Variants in CTBP2 observed in about 807,000 individuals in gnomAD.
CTBP2 encodes the protein C-terminal binding protein 2, also known as C-terminal-binding protein 2.
CTBP2 carries 30 observed loss-of-function variants against 80.3 expected under a neutral mutation model. The ratio of observed to expected loss-of-function variants is 0.37; its 90% CI spans 0.28 to 0.51. The LOEUF is 0.51. Among genes scored for constraint, CTBP2 ranks in the 20% least tolerant of loss-of-function variants. CTBP2 has a pLI of 0.93. For missense variants in CTBP2, 1,212 were observed against 1,375.3 expected (o/e 0.88, Z 1.88); for synonymous variants, 594 against 587.4 (o/e 1.01, Z -0.16).
At chr10:125,052,701 TTGTG>T (rs1160845143) in intron 2 of CTBP2, among the ~76,000 whole-genome samples, 1 of 152,126 alleles carries the variant, frequency 6.6e-6, no homozygotes, top group Non-Finnish European at 1.5e-5. Context: ...AGTCCGGGCT[TTGTG>T]TATCATAGTG....
intron 2 of CTBP2, among the ~76,000 whole-genome samples, chr10:125,095,963 C>T (rs779716418): frequency 2.6e-5 from 4 of 152,124 alleles, no homozygotes; most frequent in Non-Finnish European, 5.9e-5. Flanking sequence ...TTCACCCCCT[C>T]GGCCCTAACG....
chr10:125,050,248 C>G (rs1008203242), intron 2 of CTBP2, among the ~76,000 whole-genome samples: 15 of 152,178 alleles, frequency 9.9e-5, no homozygotes, highest in Non-Finnish European at 2.1e-4. Flanking sequence ...CTGTCTCCTG[C>G]GACAGGTCGT....
intron 2 of CTBP2, among the ~76,000 whole-genome samples, chr10:125,040,599 T>TACACACACACACACACACACACACAC (rs59512017): frequency 6.8e-4 from 99 of 146,074 alleles, no homozygotes; most frequent in African/African-American, 2.4e-3. Context: ...CACAACCACA[T>TACACACACACACACACACACACACAC]ACACACACAC....
chr10:125,102,477 AG>A (rs1850782367), intron 2 of CTBP2, among the ~76,000 whole-genome samples: 1 of 152,242 alleles, frequency 6.6e-6, no homozygotes, highest in South Asian at 2.1e-4. Context: ...TCCGGCCTTC[AG>A]CAGGCCTCTG....
intron 2 of CTBP2, among the ~76,000 whole-genome samples, chr10:125,104,174 C>T (rs115400562): frequency 0.012 from 1,824 of 152,258 alleles, 31 homozygotes; most frequent in African/African-American, 0.041. Flanking sequence ...TGGATGCTCA[C>T]GGGGACATTC....
intron 1 of CTBP2, among the ~76,000 whole-genome samples, chr10:125,003,838 A>C (rs1954876733): frequency 6.6e-6 from 1 of 150,530 alleles, no homozygotes; most frequent in African/African-American, 2.5e-5. Context: ...CACCGGCACC[A>C]GCTGCCCCTC....
At chr10:125,008,844 T>C (rs897119758) in intron 1 of CTBP2, among the ~76,000 whole-genome samples, 3 of 152,272 alleles carry the variant, frequency 2.0e-5, no homozygotes, top group African/African-American at 7.2e-5. Flanking sequence ...TCCCGCAATT[T>C]AGCCTAAATA....
intron 1 of CTBP2, among the ~76,000 whole-genome samples, chr10:125,130,668 A>T (rs985627319): frequency 1.3e-5 from 2 of 152,170 alleles, no homozygotes; most frequent in African/African-American, 4.8e-5. Flanking sequence ...TGGACACTGG[A>T]AAAGGTCAAT....
At chr10:125,000,963 T>C (rs1954397432) in intron 3 of CTBP2, 1 of 152,232 alleles carries the variant, frequency 6.6e-6, no homozygotes, top group Non-Finnish European at 1.5e-5. Context: ...AGCGCCCTTA[T>C]CAGATGGGAC....
chr10:125,029,948 G>T (rs192016647), upstream of CTBP2, among the ~76,000 whole-genome samples: 3 of 152,276 alleles, frequency 2.0e-5, no homozygotes, highest in East Asian at 5.8e-4. Flanking sequence ...GCGCTTTGGG[G>T]CAGCATCAGC....
At chr10:125,093,579 T>C (rs111642192) in intron 2 of CTBP2, among the ~76,000 whole-genome samples, 3 of 152,212 alleles carry the variant, frequency 2.0e-5, no homozygotes, top group Non-Finnish European at 1.5e-5. Flanking sequence ...ATGGCCTTCC[T>C]GCCCATCACC....
chr10:125,010,588 C>T (rs1955765441), intron 1 of CTBP2, among the ~76,000 whole-genome samples: 2 of 152,186 alleles, frequency 1.3e-5, no homozygotes, highest in South Asian at 4.1e-4. Context: ...AATCGATCCC[C>T]ACATTCTTCC....
chr10:125,154,682 CAA>C (rs1860610375), intron 1 of CTBP2, among the ~76,000 whole-genome samples: 2 of 152,188 alleles, frequency 1.3e-5, no homozygotes, highest in African/African-American at 4.8e-5. Context: ...CAGACACCAA[CAA>C]TGGTTAATGA....
chr10:125,044,310 C>A (rs1292297536), intron 2 of CTBP2, among the ~76,000 whole-genome samples: 1 of 132,582 alleles, frequency 7.5e-6, no homozygotes, highest in Non-Finnish European at 1.7e-5. Context: ...CCAGCTCTTG[C>A]ACACATAGCC....
In CTBP2 at chr10:125,003,392, G is replaced by A. The variant is rs752162090; in HGVS notation, c.1779C>T (p.Asp593=). ...CGTCACAGAAGGCCACAGTGGCCAG[G>A]TCCTTCAGGATGGGCATCTCCACAG... Residue 593 remains aspartate (D), a synonymous_variant, in exon 2 of 9, where the codon GAC becomes GAT. Coordinates refer to ENST00000309035, the MANE Select transcript of CTBP2 (RefSeq NM_022802.3). 4 of 1,606,984 alleles carry A rather than the reference G, an allele frequency of 2.5e-6. No homozygotes were observed. The highest frequency in any genetic ancestry group is 3.4e-6 in the Non-Finnish European group (4 of 1,178,482).
At chr10:125,132,483 T>G (rs1276235719) in intron 1 of CTBP2, among the ~76,000 whole-genome samples, 1 of 152,158 alleles carries the variant, frequency 6.6e-6, no homozygotes, top group Non-Finnish European at 1.5e-5. Flanking sequence ...GTTGGGGGAC[T>G]TGGCAGCAGT....
intron 2 of CTBP2, among the ~76,000 whole-genome samples, chr10:125,084,725 G>T (rs1847722578): frequency 6.6e-6 from 1 of 152,074 alleles, no homozygotes; most frequent in Non-Finnish European, 1.5e-5. Context: ...TGTGTAGCAG[G>T]TCCTGACCCC....
chr10:125,029,974 G>A (rs772887899), upstream of CTBP2, among the ~76,000 whole-genome samples: 2 of 152,158 alleles, frequency 1.3e-5, no homozygotes, highest in African/African-American at 4.8e-5. Flanking sequence ...ATTGAACCAG[G>A]AGGCCCAGCT....
chr10:125,042,935 G>T (rs1016128888), intron 2 of CTBP2, among the ~76,000 whole-genome samples: 6 of 152,156 alleles, frequency 3.9e-5, no homozygotes, highest in African/African-American at 9.7e-5. Flanking sequence ...GGGTATCACA[G>T]GCCAAACTCC....
Sources: allele counts gnomAD v4.1 joint callset (sites outside exome capture counted in the v4.1 genomes callset), GRCh38; gene constraint gnomAD v4.1.1; transcripts MANE v1.5; gene names NCBI Gene and HGNC (gene_info 2026-07-23, HGNC 2026-07-21).